The following GNG5 variants were observed in gnomAD, a reference collection of about 807,000 sequenced individuals.
GNG5 encodes guanine nucleotide-binding protein G(I)/G(S)/G(O) subunit gamma-5.
GNG5 carries 2 observed loss-of-function variants against 6.2 expected under a neutral mutation model. The ratio of observed to expected loss-of-function variants is 0.32; its 90% CI spans 0.13 to 1.01. GNG5 has a LOEUF of 1.01. GNG5 is among the 50% of genes least tolerant of loss of function. The pLI is 0.48. For synonymous variants in GNG5, 24 were observed against 33.0 expected, an observed-to-expected ratio of 0.73 and a Z score of 0.93; for missense variants, 57 against 80.2, an observed-to-expected ratio of 0.71 and a Z score of 1.10.
At chr1:84,498,960 T>C (rs1681997690) in intron 3 of GNG5, among the ~76,000 whole-genome samples, 1 of 152,170 alleles carries the variant, frequency 6.6e-6, no homozygotes, top group Non-Finnish European at 1.5e-5. Flanking sequence ...GGATACTGAC[T>C]GTATTAGTAT....
intron 3 of GNG5, among the ~76,000 whole-genome samples, chr1:84,499,580 A>C (rs1262457711): frequency 6.6e-6 from 1 of 152,212 alleles, no homozygotes; most frequent in Non-Finnish European, 1.5e-5. Flanking sequence ...ATCATAGTTT[A>C]GTACAACCAT....
chr1:84,503,243 C>T (rs1018948999), intron 2 of GNG5, among the ~76,000 whole-genome samples: 1 of 152,208 alleles, frequency 6.6e-6, no homozygotes, highest in East Asian at 1.9e-4. Flanking sequence ...ATTTTATTCT[C>T]AGTCTTTATC....
intron 2 of GNG5, among the ~76,000 whole-genome samples, chr1:84,504,636 G>C (rs1300386198): frequency 2.0e-5 from 3 of 152,084 alleles, no homozygotes; most frequent in Non-Finnish European, 4.4e-5. Flanking sequence ...TCGAGTTTCA[G>C]AGCCAAATCC....
intron 3 of GNG5, among the ~76,000 whole-genome samples, chr1:84,500,114 A>G (rs1290165062): frequency 6.6e-6 from 1 of 152,184 alleles, no homozygotes; most frequent in Admixed American, 6.5e-5. Context: ...CTTTACATTC[A>G]TGCCACTCAG....
rs1189799508 is a variant in GNG5, at chr1:84,505,807, C to A, written c.81+204G>T. ...GAAAGTCCTGGGGCGGAAGGGCGAA[C>A]TAATCGTCCCCCTAAAACACAGCGT... On this transcript the variant is annotated intron_variant, in intron 2 of 3. Coordinates refer to ENST00000370645, the MANE Select transcript of GNG5 (RefSeq NM_005274.3). Among the ~76,000 whole-genome samples the A allele has an allele frequency of 2.6e-5, 4 of 152,320 alleles. No homozygotes were observed. In the South Asian group the frequency reaches 6.2e-4, roughly 24 times the overall value.
At chr1:84,499,097 A>G (rs917629435) in intron 3 of GNG5, among the ~76,000 whole-genome samples, 12 of 152,252 alleles carry the variant, frequency 7.9e-5, no homozygotes, top group Non-Finnish European at 1.5e-4. Context: ...TTATGTTTTC[A>G]AACCATAATA....
intron 3 of GNG5, among the ~76,000 whole-genome samples, 159 bp from the exon 4 acceptor site, chr1:84,498,707 G>A (rs1681991467): frequency 6.6e-6 from 1 of 152,206 alleles, no homozygotes; most frequent in Non-Finnish European, 1.5e-5. Context: ...CCACTCTGAT[G>A]TATAAGTCAT....
chr1:84,501,455 A>T (rs1017415662), intron 3 of GNG5, among the ~76,000 whole-genome samples: 17 of 151,676 alleles, frequency 1.1e-4, no homozygotes, highest in Admixed American at 5.2e-4. Flanking sequence ...CAGATTTTTT[A>T]AAAACTGTCT....
At chr1:84,498,576 G>GAGTT (rs1681988308) in intron 3 of GNG5, 28 bp from the exon 4 acceptor site, 2 of 150,058 alleles carry the variant, frequency 1.3e-5, no homozygotes, top group African/African-American at 4.9e-5. Flanking sequence ...AAAAAAAGGT[G>GAGTT]AGTTAGGGTA....
At chr1:84,505,949 GC>G (rs1682195304) in intron 2 of GNG5, 61 bp downstream of exon 2, 1 of 1,205,178 alleles carries the variant, frequency 8.3e-7, no homozygotes. Flanking sequence ...CGCCAGCTGG[GC>G]CGCCGGATCC....
rs1163302569 is a variant in GNG5 at position 84,502,098 on chromosome 1, A to G, written c.82-128T>C. The stretch of plus-strand genomic sequence containing the variant: ...CTCTTGCTTCAAAAGAAGATACTAT[A>G]TAATAATTGAAGACTTAAGTCAAAT... On this transcript the variant is annotated intron_variant, in intron 2 of 3. Transcript: ENST00000370645. 3 of 557,940 alleles carry G rather than the reference A, an allele frequency of 5.4e-6. No homozygotes were observed. The South Asian group carries it at 8.2e-5, about 15-fold the overall frequency. 34.6% of individuals were successfully genotyped at this position (557,940 alleles called of 1,614,324 possible). A position where few individuals can be genotyped will look rare whatever the true frequency, so the allele number is the denominator to read the frequency against.
chr1:84,502,053 C>A, intron 2 of GNG5, 83 bp from the exon 3 acceptor site: 11 of 1,000,860 alleles, frequency 1.1e-5, no homozygotes, highest in East Asian at 2.6e-5. Flanking sequence ...AAATATTGTA[C>A]TTACAATAAA....
chr1:84,505,961 C>T, intron 2 of GNG5, 50 bp downstream of exon 2: 1 of 1,337,742 alleles, frequency 7.5e-7, no homozygotes, highest in Non-Finnish European at 1.0e-6. Context: ...CGCCGGATCC[C>T]ACCCGCCGCC....
At position 84,504,276 on chromosome 1, in the gene GNG5, A is replaced by G. The variant is rs146801979; in HGVS notation, c.81+1735T>C. On this transcript the variant is annotated intron_variant, in intron 2 of 3. Coordinates refer to ENST00000370645, the MANE Select transcript of GNG5 (RefSeq NM_005274.3). Reference sequence around the variant, plus strand: ...TAGCAACATGTCTAAAGAAAAGCTCATTAAAAAGTACAAAAGGGGATGCTC... The same window carrying G: ...TAGCAACATGTCTAAAGAAAAGCTCGTTAAAAAGTACAAAAGGGGATGCTC... 3.2e-3 allele frequency among the ~76,000 whole-genome samples: 489 copies of G among 152,376 alleles called. 4 individuals carry two copies. Among genetic ancestry groups the G allele is most frequent in the Non-Finnish European group, 4.5e-3 (305 of 68,040 alleles).
intron 2 of GNG5, chr1:84,503,875 C>CT (rs1682104880): frequency 6.6e-6 from 1 of 152,162 alleles, no homozygotes; most frequent in Non-Finnish European, 1.5e-5. Flanking sequence ...GGGAAGGTGT[C>CT]TGAGGTGACA....
intron 3 of GNG5, among the ~76,000 whole-genome samples, chr1:84,500,584 AAATG>A (rs1387126786): frequency 6.6e-6 from 1 of 152,266 alleles, no homozygotes; most frequent in African/African-American, 2.4e-5. Flanking sequence ...ATGAAGAATT[AAATG>A]AATAGTACCA....
chr1:84,502,488 T>G (rs1195779490), intron 2 of GNG5, among the ~76,000 whole-genome samples: 1 of 151,424 alleles, frequency 6.6e-6, no homozygotes, highest in East Asian at 1.9e-4. Flanking sequence ...TTTAATTAAG[T>G]ATGTTTTCTT....
At chr1:84,505,917 C>T in intron 2 of GNG5, 94 bp downstream of exon 2, 2 of 868,816 alleles carry the variant, frequency 2.3e-6, no homozygotes, top group East Asian at 3.6e-5. Flanking sequence ...AAGCGAGGGC[C>T]GGCGCGTGTC....
intron 2 of GNG5, among the ~76,000 whole-genome samples, chr1:84,502,982 G>A (rs1682087578): frequency 6.6e-6 from 1 of 152,218 alleles, no homozygotes; most frequent in African/African-American, 2.4e-5. Context: ...CTCTGTATAT[G>A]TATATTAACA....
Sources: gnomAD v4.1 joint callset for allele counts (sites outside exome capture counted in the v4.1 genomes callset) on GRCh38, gnomAD v4.1.1 for gene constraint, MANE v1.5 for transcripts, NCBI Gene and HGNC (gene_info 2026-07-23, HGNC 2026-07-21) for gene names.